NRXN1: variants seen among roughly 807,000 people sequenced by gnomAD.
NRXN1 encodes neurexin-1.
NRXN1 carries 39 observed loss-of-function variants against 150.9 expected under a neutral mutation model. The observed-to-expected ratio is 0.26, with a 90% CI of 0.20 to 0.34. NRXN1 has a LOEUF of 0.34. NRXN1 is among the 10% of genes least tolerant of loss of function. NRXN1 has a pLI of 1.00. For missense variants in NRXN1, 1,815 were observed against 1,949.9 expected, an observed-to-expected ratio of 0.93 and a Z score of 1.30; for synonymous variants, 924 against 757.0, an observed-to-expected ratio of 1.22 and a Z score of -3.62.
intron 17 of NRXN1, among the ~76,000 whole-genome samples, chr2:50,460,467 T>G (rs1520457): frequency 0.17 from 26,479 of 151,878 alleles, 3,466 homozygotes; most frequent in African/African-American, 0.36. Context: ...TTTTTTGTTG[T>G]TTTTCTCCCC....
intron 5 of NRXN1, among the ~76,000 whole-genome samples, chr2:50,844,908 C>T (rs1352363105): frequency 2.6e-5 from 4 of 151,864 alleles, no homozygotes; most frequent in Non-Finnish European, 5.9e-5. Flanking sequence ...GGCTGGAGTG[C>T]AGTGGCGTGA....
At chr2:50,882,150 A>T (rs1355345749) in intron 5 of NRXN1, among the ~76,000 whole-genome samples, 2 of 151,900 alleles carry the variant, frequency 1.3e-5, no homozygotes, top group African/African-American at 4.8e-5. Flanking sequence ...TAAAGACTGA[A>T]TTAGGTTACA....
intron 17 of NRXN1, among the ~76,000 whole-genome samples, chr2:50,430,206 G>A (rs1044318147): frequency 3.3e-5 from 5 of 152,010 alleles, no homozygotes; most frequent in African/African-American, 1.2e-4. Flanking sequence ...TTAACCTAGG[G>A]TGAGCCATCA....
intron 17 of NRXN1, among the ~76,000 whole-genome samples, chr2:50,307,135 C>G (rs1340398440): frequency 6.6e-6 from 1 of 152,080 alleles, no homozygotes; most frequent in Admixed American, 6.6e-5. Context: ...CAGGTGTGCA[C>G]CACCACGCCC....
At chr2:50,144,121 G>A (rs1469924686) in intron 18 of NRXN1, among the ~76,000 whole-genome samples, 15 of 151,786 alleles carry the variant, frequency 9.9e-5, no homozygotes, top group Non-Finnish European at 1.5e-5. Flanking sequence ...TCAAATTATA[G>A]CCACATGGTT....
Position 50,236,917 on chromosome 2 carries a change from G to A in NRXN1, c.3418C>T (p.Pro1140Ser), listed in dbSNP as rs772887307. ...CGTGTACTGGGTCGGTCATTAGGAG[G>A]CCACTTATACGTGATTTGTCCACCA... ...KGGGQITYKW[P>S]PNDRPSTRAD... The change falls in exon 18 of 23, where the codon CCT becomes TCT. Residue 1140 changes from proline (P) to serine (S), a missense_variant. Physicochemically the swap from Pro to Ser is moderately conservative, Grantham distance 74. Coordinates refer to ENST00000401669, the MANE Select transcript of NRXN1 (RefSeq NM_001330078.2). 3 of 1,613,250 alleles carry A rather than the reference G, an allele frequency of 1.9e-6. No individual in the cohort carries two copies. Among genetic ancestry groups the A allele is most frequent in the African/African-American group, 1.3e-5 (1 of 74,850 alleles).
At chr2:50,624,476 T>A (rs1356735555) in intron 5 of NRXN1, among the ~76,000 whole-genome samples, 1 of 152,114 alleles carries the variant, frequency 6.6e-6, no homozygotes, top group Non-Finnish European at 1.5e-5. Context: ...GAAACATTTA[T>A]GTTCAAAGAT....
At chr2:50,409,556 G>C (rs17040612) in intron 17 of NRXN1, among the ~76,000 whole-genome samples, 1 of 152,150 alleles carries the variant, frequency 6.6e-6, no homozygotes, top group Non-Finnish European at 1.5e-5. Context: ...TTTGCATTGG[G>C]ACAGCATCAC....
intron 5 of NRXN1, among the ~76,000 whole-genome samples, chr2:50,628,411 C>T (rs1363348428): frequency 6.6e-6 from 1 of 151,590 alleles, no homozygotes; most frequent in Non-Finnish European, 1.5e-5. Flanking sequence ...ATGCAATTAC[C>T]TTAAAATGCC....
At chr2:50,433,651 T>C (rs1023806123) in intron 17 of NRXN1, among the ~76,000 whole-genome samples, 5 of 119,562 alleles carry the variant, frequency 4.2e-5, no homozygotes, top group Admixed American at 1.9e-4. Flanking sequence ...TATTCAAAAA[T>C]GAAAGAGAAA....
chr2:50,191,141 A>G (rs3861562), intron 18 of NRXN1, among the ~76,000 whole-genome samples: 36,029 of 147,766 alleles, frequency 0.24, 5,204 homozygotes, highest in East Asian at 0.42. Context: ...CTTTTCTCCT[A>G]CCTCAGCCTC....
At chr2:49,972,035 A>G (rs1434428753) in intron 21 of NRXN1, among the ~76,000 whole-genome samples, 1 of 152,154 alleles carries the variant, frequency 6.6e-6, no homozygotes, top group Non-Finnish European at 1.5e-5. Context: ...AACCCAAAAG[A>G]TTGCATTTAA....
chr2:50,093,384 G>C (rs1376146087), intron 18 of NRXN1, among the ~76,000 whole-genome samples: 1 of 151,500 alleles, frequency 6.6e-6, no homozygotes, highest in East Asian at 1.9e-4. Context: ...GGGAGGCCAA[G>C]GTGAAGAGGA....
intron 12 of NRXN1, among the ~76,000 whole-genome samples, chr2:50,527,250 G>A (rs531300191): frequency 6.6e-6 from 1 of 152,114 alleles, no homozygotes; most frequent in Admixed American, 6.6e-5. Context: ...CTTTGGCAAA[G>A]AATATTTTGT....
At chr2:50,222,659 C>T (rs1244468956) in intron 18 of NRXN1, among the ~76,000 whole-genome samples, 1 of 151,764 alleles carries the variant, frequency 6.6e-6, no homozygotes, top group Non-Finnish European at 1.5e-5. Flanking sequence ...ACCCTCATAA[C>T]ATGTAGCAGA....
At chr2:49,929,021 C>T (rs1572892023) in intron 22 of NRXN1, among the ~76,000 whole-genome samples, 1 of 152,248 alleles carries the variant, frequency 6.6e-6, no homozygotes, top group South Asian at 2.1e-4. Context: ...CTGCTGTCTC[C>T]GATATTTTCC....
intron 5 of NRXN1, among the ~76,000 whole-genome samples, chr2:50,819,302 G>A (rs1669374231): frequency 6.6e-6 from 1 of 152,108 alleles, no homozygotes; most frequent in Admixed American, 6.6e-5. Context: ...CAGATAAATG[G>A]AAAAAGAAAA....
At chr2:50,472,785 C>G (rs932081335) in intron 15 of NRXN1, among the ~76,000 whole-genome samples, 1 of 138,720 alleles carries the variant, frequency 7.2e-6, no homozygotes, top group Non-Finnish European at 1.5e-5. Flanking sequence ...TATTTGCAAG[C>G]CCTACAGCCT....
At chr2:50,929,281 C>G (rs1242330551) in intron 2 of NRXN1, among the ~76,000 whole-genome samples, 1 of 151,980 alleles carries the variant, frequency 6.6e-6, no homozygotes, top group East Asian at 1.9e-4. Context: ...TAAAGAAAAT[C>G]ATGACCAGTA....
Sources: gnomAD v4.1 joint callset for allele counts (sites outside exome capture counted in the v4.1 genomes callset) on GRCh38, gnomAD v4.1.1 for gene constraint, MANE v1.5 for transcripts, NCBI Gene and HGNC (gene_info 2026-07-23, HGNC 2026-07-21) for gene names.